LATS2: variants seen among roughly 807,000 people sequenced by gnomAD.
The protein encoded by LATS2 is large tumor suppressor kinase 2, also known as serine/threonine-protein kinase LATS2.
LATS2 carries 24 observed loss-of-function variants against 76.0 expected under a neutral mutation model. The ratio of observed to expected loss-of-function variants is 0.32; its 90% CI spans 0.23 to 0.44. LATS2 has a LOEUF of 0.44. LATS2 is among the 20% of genes least tolerant of loss of function. The pLI is 1.00. For missense variants in LATS2, 1,286 were observed against 1,481.2 expected, an observed-to-expected ratio of 0.87 and a Z score of 2.16; for synonymous variants, 692 against 635.4, an observed-to-expected ratio of 1.09 and a Z score of -1.34.
intron 2 of LATS2, among the ~76,000 whole-genome samples, chr13:21,007,622 GTGTATA>G (rs1565952078): frequency 3.4e-3 from 1 of 292 alleles, no homozygotes; most frequent in African/African-American, 5.3e-3. Flanking sequence ...TATATATATA[GTGTATA>G]TATATATATA....
intron 2 of LATS2, among the ~76,000 whole-genome samples, chr13:21,043,215 G>A (rs1872947685): frequency 6.6e-6 from 1 of 151,668 alleles, no homozygotes; most frequent in Admixed American, 6.6e-5. Context: ...TTGCGTGCCT[G>A]TAATCGCAGC....
chr13:20,981,188 A>C (rs1308820783), intron 6 of LATS2, among the ~76,000 whole-genome samples: 1 of 152,160 alleles, frequency 6.6e-6, no homozygotes, highest in Non-Finnish European at 1.5e-5. Flanking sequence ...TCTGACTGTG[A>C]AAATCAGGGC....
chr13:20,978,927 AAT>A (rs1869748374), intron 7 of LATS2, among the ~76,000 whole-genome samples: 1 of 151,992 alleles, frequency 6.6e-6, no homozygotes, highest in Non-Finnish European at 1.5e-5. Flanking sequence ...ATGATGGACT[AAT>A]ATTTTGTATT....
At chr13:20,981,971 T>C (rs928766164) in intron 5 of LATS2, among the ~76,000 whole-genome samples, 2 of 152,228 alleles carry the variant, frequency 1.3e-5, no homozygotes, top group Non-Finnish European at 2.9e-5. Flanking sequence ...ACAGCACTCC[T>C]AGCGCTTAGG....
chr13:21,042,563 T>C (rs1399452861), intron 2 of LATS2, among the ~76,000 whole-genome samples: 3 of 151,966 alleles, frequency 2.0e-5, no homozygotes, highest in African/African-American at 7.3e-5. Flanking sequence ...GTGGCACGCC[T>C]GTAGTCCCAG....
Position 21,046,178 on chromosome 13 carries a change from C to T in LATS2, c.-152G>A, listed in dbSNP as rs190278246. The T allele has an allele frequency of 5.7e-4, 342 of 603,042 alleles. No individual in the cohort carries two copies. The highest frequency in any genetic ancestry group is 6.3e-4 in the Non-Finnish European group (229 of 364,638). 37.4% of individuals were successfully genotyped at this position (603,042 alleles called of 1,614,324 possible). ...GTTCTTTCCTTCCATTTTTGTAGTT[C>T]CTATAGAGAACCTAAAATTTTCCAA... is the stretch of plus-strand genomic sequence containing the variant. On this transcript the variant is annotated 5_prime_UTR_variant, in exon 2 of 8. Transcript: ENST00000382592.
rs1870501263 is a variant in LATS2, at chr13:20,991,412, G to A, written c.343-8C>T. 5 of 1,613,982 alleles carry A rather than the reference G, an allele frequency of 3.1e-6. No homozygotes were observed. In the East Asian group the frequency reaches 1.1e-4, roughly 36 times the overall value. On this transcript the variant is annotated splice_region_variant and splice_polypyrimidine_tract_variant and intron_variant, in intron 2 of 7. Coordinates refer to ENST00000382592, the MANE Select transcript of LATS2 (RefSeq NM_014572.3). This position sits in a 1 kb window ranked among gnomAD's most constrained non-coding sequence, Gnocchi z 4.9. Reference sequence around the variant, plus strand: ...AGCTCGGCCAGCCATCTCCTGGGAGGGAAGTAAAGGAGAGGTAAGTGCATG... The same window carrying A: ...AGCTCGGCCAGCCATCTCCTGGGAGAGAAGTAAAGGAGAGGTAAGTGCATG...
chr13:21,047,462 C>G (rs1873113305), intron 1 of LATS2, among the ~76,000 whole-genome samples: 1 of 152,228 alleles, frequency 6.6e-6, no homozygotes, highest in Admixed American at 6.5e-5. Flanking sequence ...GGCCAGCACC[C>G]CACACCGTGC....
intron 4 of LATS2, among the ~76,000 whole-genome samples, chr13:20,985,203 G>A (rs1177007002): frequency 1.3e-5 from 2 of 152,180 alleles, no homozygotes; most frequent in East Asian, 1.9e-4. Context: ...ACATTGGTTT[G>A]AGCAAAGATT....
In LATS2 at chr13:20,995,338, A is replaced by G. The variant is rs1595221491; in HGVS notation, c.343-3934T>C. Among the ~76,000 whole-genome samples, 3 of 152,354 alleles carry G rather than the reference A, an allele frequency of 2.0e-5. 1 individual carries two copies. Among genetic ancestry groups the G allele is most frequent in the Middle Eastern group, 3.4e-3 (1 of 294 alleles). On this transcript the variant is annotated intron_variant, in intron 2 of 7. Transcript: ENST00000382592. The stretch of plus-strand genomic sequence containing the variant: ...AATGAGTTCTTTTCCCCAAGCCTCA[A>G]TAGACACCTCCAGTCTCTTCCAGCT...
At chr13:21,025,143 G>A (rs866775227) in intron 2 of LATS2, among the ~76,000 whole-genome samples, 2 of 151,816 alleles carry the variant, frequency 1.3e-5, no homozygotes, top group South Asian at 4.2e-4. Flanking sequence ...TGGTCACGGG[G>A]CCAGGTGCGG....
At position 21,019,493 on chromosome 13, in the gene LATS2, A is replaced by ATT. The variant is rs67762203; in HGVS notation, c.342+26190_342+26191dup. On this transcript the variant is annotated intron_variant, in intron 2 of 7. Transcript: ENST00000382592. Reference sequence around the variant, plus strand: ...AGGTGCACGCCACCACGCCCAGCTAATTTTTTTTTTTTTGTATTTTTGTAT... The same window carrying ATT: ...AGGTGCACGCCACCACGCCCAGCTAATTTTTTTTTTTTTTTGTATTTTTGTAT... 3.2e-3 allele frequency among the ~76,000 whole-genome samples: 428 copies of ATT among 132,604 alleles called. 3 individuals are homozygous for ATT. Among genetic ancestry groups the ATT allele is most frequent in the Non-Finnish European group, 4.8e-3 (304 of 62,916 alleles). 87.0% of individuals were successfully genotyped at this position (132,604 alleles called of 152,430 possible).
chr13:20,997,982 G>A (rs1870833250), intron 2 of LATS2, among the ~76,000 whole-genome samples: 1 of 152,156 alleles, frequency 6.6e-6, no homozygotes, highest in African/African-American at 2.4e-5. Context: ...CCAACTATGA[G>A]GTTTGGCTGA....
chr13:20,975,943 T>G (rs1356962098), intron 7 of LATS2, among the ~76,000 whole-genome samples: 4 of 152,214 alleles, frequency 2.6e-5, no homozygotes, highest in Non-Finnish European at 5.9e-5. Context: ...GTTATTTCTT[T>G]AGCTATGGCA....
intron 1 of LATS2, among the ~76,000 whole-genome samples, chr13:21,059,218 CTATTAATTTGAATTT>C (rs1565969174): frequency 6.6e-6 from 1 of 152,182 alleles, no homozygotes; most frequent in Non-Finnish European, 1.5e-5. Flanking sequence ...AGCTGTTCAG[CTATTAATTTGAATTT>C]TTTACCGGCC....
At chr13:20,993,193 T>A (rs1462351861) in intron 2 of LATS2, among the ~76,000 whole-genome samples, 1 of 152,140 alleles carries the variant, frequency 6.6e-6, no homozygotes, top group African/African-American at 2.4e-5. Flanking sequence ...GTCCCCCACC[T>A]CTGGATAGGG....
rs181349235 is a variant in LATS2 at position 20,974,757 on chromosome 13, G to A, written c.*113C>T. ...GAGCAGAATTTCAAGTGAAGTAATCGACGGACTAATTTAAAACAAAACAGC... is the reference window on the plus strand; with the variant it reads ...GAGCAGAATTTCAAGTGAAGTAATCAACGGACTAATTTAAAACAAAACAGC... On this transcript the variant is annotated 3_prime_UTR_variant, in exon 8 of 8. Transcript: ENST00000382592. 142 of 1,128,356 alleles carry A rather than the reference G, an allele frequency of 1.3e-4. No individual in the cohort carries two copies. Among genetic ancestry groups the A allele is most frequent in the East Asian group, 2.7e-4 (11 of 41,252 alleles). 69.9% of individuals were successfully genotyped at this position (1,128,356 alleles called of 1,614,324 possible). A position where few individuals can be genotyped will look rare whatever the true frequency, so the allele number is the denominator to read the frequency against.
At chr13:21,047,065 C>A (rs566291234) in intron 1 of LATS2, among the ~76,000 whole-genome samples, 1 of 152,106 alleles carries the variant, frequency 6.6e-6, no homozygotes, top group African/African-American at 2.4e-5. Context: ...GAAATGGCCT[C>A]GTTACATGGA....
Position 21,020,085 on chromosome 13 carries a change from G to T in LATS2, c.342+25600C>A, listed in dbSNP as rs189240419. ...GGCTCCCCACTTTACGAAAGTGGTT[G>T]AAGGAGAGTGGATGTACATCCTTTC... On this transcript the variant is annotated intron_variant, in intron 2 of 7. Coordinates refer to ENST00000382592, the MANE Select transcript of LATS2 (RefSeq NM_014572.3). Among the ~76,000 whole-genome samples, 22 of 152,064 alleles carry T rather than the reference G, an allele frequency of 1.4e-4. 1 individual carries two copies. In the East Asian group the frequency reaches 4.1e-3, roughly 28 times the overall value.
Sources: gnomAD v4.1 joint callset for allele counts (sites outside exome capture counted in the v4.1 genomes callset) on GRCh38, gnomAD v4.1.1 for gene constraint, Gnocchi (gnomAD v3.1) non-coding constraint, MANE v1.5 for transcripts, NCBI Gene and HGNC (gene_info 2026-07-23, HGNC 2026-07-21) for gene names.